The following CCBE1 variants were observed in gnomAD, a reference collection of about 807,000 sequenced individuals.
CCBE1 encodes the protein collagen and calcium-binding EGF domain-containing protein 1.
A neutral mutation model predicts 50.0 loss-of-function variants in CCBE1; 37 were observed. The observed-to-expected ratio is 0.74, with a 90% confidence interval of 0.57 to 0.97. The LOEUF is 0.97. CCBE1 is among the 50% of genes least tolerant of loss of function. CCBE1 has a pLI of 0.00. For synonymous variants in CCBE1, 234 were observed against 203.7 expected (o/e 1.15, Z -1.27); for missense variants, 538 against 523.8 (o/e 1.03, Z -0.26).
At chr18:59,460,808 G>A (rs890204191) in intron 5 of CCBE1, among the ~76,000 whole-genome samples, 4 of 152,178 alleles carry the variant, frequency 2.6e-5, no homozygotes, top group Non-Finnish European at 5.9e-5. Flanking sequence ...GGTGGCGCAC[G>A]TCTGTAATCC....
At chr18:59,587,537 C>A (rs2053195364) in intron 2 of CCBE1, among the ~76,000 whole-genome samples, 1 of 152,120 alleles carries the variant, frequency 6.6e-6, no homozygotes, top group Non-Finnish European at 1.5e-5. Context: ...TAACAGACTC[C>A]ATTTTCAAGA....
intron 2 of CCBE1, among the ~76,000 whole-genome samples, chr18:59,622,646 C>T (rs549215679): frequency 1.3e-5 from 2 of 151,040 alleles, no homozygotes; most frequent in South Asian, 4.2e-4. Context: ...ACTAAAAATA[C>T]AAAATGTAGC....
chr18:59,476,590 C>T (rs887286527), intron 3 of CCBE1, among the ~76,000 whole-genome samples: 11 of 152,292 alleles, frequency 7.2e-5, no homozygotes, highest in South Asian at 4.1e-4. Flanking sequence ...GACTGTGTTC[C>T]AATAAACCTT....
chr18:59,647,940 A>G (rs1280687489), intron 2 of CCBE1, among the ~76,000 whole-genome samples: 2 of 152,236 alleles, frequency 1.3e-5, no homozygotes, highest in African/African-American at 4.8e-5. Flanking sequence ...CGAAACTACA[A>G]AATATTGGGA....
intron 2 of CCBE1, among the ~76,000 whole-genome samples, chr18:59,504,014 C>A (rs1380054689): frequency 1.3e-5 from 2 of 152,220 alleles, no homozygotes; most frequent in Non-Finnish European, 2.9e-5. Context: ...CCTTGTTCAT[C>A]TTTATCATTT....
In CCBE1 at chr18:59,435,685, A is replaced by T. The variant is rs555760247; in HGVS notation, c.*223T>A. On this transcript the variant is annotated 3_prime_UTR_variant, in exon 11 of 11. Transcript: ENST00000439986. ...AAACCACCCCAATGGACTCTTAGTG[A>T]GAAGCAGGTAAATCAATCATTCACT... is the stretch of plus-strand genomic sequence containing the variant. The T allele has an allele frequency of 3.3e-6, 2 of 601,780 alleles. No homozygotes were observed. Among genetic ancestry groups the T allele is most frequent in the South Asian group, 4.0e-5 (2 of 50,582 alleles). 37.3% of individuals were successfully genotyped at this position (601,780 alleles called of 1,614,324 possible).
chr18:59,480,880 T>C (rs921154094), intron 2 of CCBE1, among the ~76,000 whole-genome samples: 2 of 152,172 alleles, frequency 1.3e-5, no homozygotes, highest in African/African-American at 2.4e-5. Flanking sequence ...TCAACCAAGC[T>C]AATTTAACCA....
intron 2 of CCBE1, among the ~76,000 whole-genome samples, chr18:59,490,827 G>T (rs1913064811): frequency 6.6e-6 from 1 of 152,130 alleles, no homozygotes; most frequent in Non-Finnish European, 1.5e-5. Flanking sequence ...CTTACTAGAG[G>T]TTTACTTTAC....
At chr18:59,469,271 G>A (rs1433474146) in intron 4 of CCBE1, among the ~76,000 whole-genome samples, 2 of 152,190 alleles carry the variant, frequency 1.3e-5, no homozygotes, top group African/African-American at 4.8e-5. Context: ...TTAGGACCTT[G>A]CTGGTACCAA....
At chr18:59,466,999 G>C (rs775097581) in intron 4 of CCBE1, 108 bp from the exon 5 acceptor site, 196 of 982,034 alleles carry the variant, frequency 2.0e-4, no homozygotes, top group Non-Finnish European at 3.0e-4. Flanking sequence ...AGGACACTTG[G>C]GCCGACCTTG....
chr18:59,612,712 C>T (rs2053586948), intron 2 of CCBE1, among the ~76,000 whole-genome samples: 1 of 152,070 alleles, frequency 6.6e-6, no homozygotes, highest in South Asian at 2.1e-4. Context: ...AAGCTCAGTG[C>T]TATGCAATGG....
At chr18:59,639,292 C>A (rs967027828) in intron 2 of CCBE1, among the ~76,000 whole-genome samples, 1 of 152,090 alleles carries the variant, frequency 6.6e-6, no homozygotes, top group Non-Finnish European at 1.5e-5. Flanking sequence ...CAAAGCTAAT[C>A]CACCATGATC....
At chr18:59,535,009 C>T (rs553498526) in intron 2 of CCBE1, among the ~76,000 whole-genome samples, 6 of 152,310 alleles carry the variant, frequency 3.9e-5, no homozygotes, top group Non-Finnish European at 7.3e-5. Flanking sequence ...AAATGTTACA[C>T]GATAGCTCCT....
chr18:59,669,651 C>T (rs1005948161), intron 2 of CCBE1, among the ~76,000 whole-genome samples: 4 of 152,208 alleles, frequency 2.6e-5, no homozygotes, highest in Middle Eastern at 3.2e-3. Flanking sequence ...GGAACACCCG[C>T]GGTGCCCTTG....
chr18:59,583,281 A>C (rs1019630171), intron 2 of CCBE1, among the ~76,000 whole-genome samples: 1 of 152,146 alleles, frequency 6.6e-6, no homozygotes, highest in African/African-American at 2.4e-5. Flanking sequence ...CAAAACAAAC[A>C]AAAAAACCCA....
At chr18:59,485,569 C>A (rs552817317) in intron 2 of CCBE1, among the ~76,000 whole-genome samples, 6 of 146,926 alleles carry the variant, frequency 4.1e-5, no homozygotes, top group Non-Finnish European at 1.5e-5. Context: ...CTTATTCATG[C>A]GCCAGATATA....
chr18:59,503,401 G>T (rs1432525865), intron 2 of CCBE1, among the ~76,000 whole-genome samples: 1 of 152,206 alleles, frequency 6.6e-6, no homozygotes, highest in Admixed American at 6.5e-5. Context: ...GGTTTAGAGA[G>T]GTTAGGCAAC....
At chr18:59,560,696 C>A (rs2052723102) in intron 2 of CCBE1, among the ~76,000 whole-genome samples, 2 of 152,192 alleles carry the variant, frequency 1.3e-5, no homozygotes, top group Non-Finnish European at 2.9e-5. Context: ...ACTGGAAAAG[C>A]AGTTAGTAAC....
chr18:59,646,912 T>C (rs1481596597), intron 2 of CCBE1, among the ~76,000 whole-genome samples: 1 of 152,218 alleles, frequency 6.6e-6, no homozygotes, highest in African/African-American at 2.4e-5. Flanking sequence ...AAAGCCGTTT[T>C]AGTCCAAGAT....
Sources: allele counts gnomAD v4.1 joint callset (sites outside exome capture counted in the v4.1 genomes callset), GRCh38; gene constraint gnomAD v4.1.1; transcripts MANE v1.5; gene names NCBI Gene and HGNC (gene_info 2026-07-23, HGNC 2026-07-21).